Variants in DAB2 observed in about 807,000 individuals in gnomAD.
The protein encoded by DAB2 is DAB adaptor protein 2.
In DAB2, 28 loss-of-function variants were observed where a neutral mutation model predicts 71.6. That is an observed-to-expected ratio of 0.39 (90% CI 0.29 to 0.54). The LOEUF (loss-of-function observed/expected upper bound fraction) is 0.54. Among genes scored for constraint, DAB2 ranks in the 20% least tolerant of loss-of-function variants. The probability of loss-of-function intolerance (pLI) is 0.68; values close to 1 mark genes in which losing one functional copy is unlikely to be tolerated. For missense variants in DAB2, 867 were observed against 928.8 expected (o/e 0.93, Z 0.86); for synonymous variants, 345 against 339.7 (o/e 1.02, Z -0.17).
At chr5:39,419,052 T>C (rs1463360310) in intron 1 of DAB2, among the ~76,000 whole-genome samples, 1 of 152,186 alleles carries the variant, frequency 6.6e-6, no homozygotes, top group Non-Finnish European at 1.5e-5. Context: ...AGAGTTCCAA[T>C]TATATACTTG....
At chr5:39,416,021 T>C (rs543145568) in intron 1 of DAB2, among the ~76,000 whole-genome samples, 5 of 152,196 alleles carry the variant, frequency 3.3e-5, no homozygotes, top group African/African-American at 1.2e-4. Flanking sequence ...TTTTCATAAT[T>C]ACCCTTTATT....
At chr5:39,401,227 G>C (rs1352964572) in intron 1 of DAB2, among the ~76,000 whole-genome samples, 1 of 152,182 alleles carries the variant, frequency 6.6e-6, no homozygotes, top group African/African-American at 2.4e-5. Flanking sequence ...GTCCTTAGAA[G>C]ATTTTCTTGT....
At chr5:39,404,345 G>A (rs1233018561) in intron 1 of DAB2, among the ~76,000 whole-genome samples, 8 of 148,654 alleles carry the variant, frequency 5.4e-5, no homozygotes, top group Admixed American at 4.1e-4. Flanking sequence ...GTATACATAC[G>A]TAACTAACCT....
intron 1 of DAB2, among the ~76,000 whole-genome samples, chr5:39,395,411 C>A (rs1432336719): frequency 1.3e-5 from 2 of 152,304 alleles, no homozygotes; most frequent in Non-Finnish European, 2.9e-5. Flanking sequence ...GTGCCTATAC[C>A]ACCCATTTAA....
At chr5:39,380,996 AGACTTAAC>A (rs1273633720) in intron 11 of DAB2, among the ~76,000 whole-genome samples, 1 of 152,186 alleles carries the variant, frequency 6.6e-6, no homozygotes, top group Admixed American at 6.5e-5. Context: ...TTCTTGCTTC[AGACTTAAC>A]TTACATCCTT....
Position 39,389,130 on chromosome 5 carries a change from A to G in DAB2, c.544-7T>C. ...CTTTGCTGGCTTCCTCTATCTAAAA[A>G]GAAAGATACATATTCAGTGATCTTC... On this transcript the variant is annotated splice_region_variant and splice_polypyrimidine_tract_variant and intron_variant, in intron 6 of 14. Transcript: ENST00000320816. 6.2e-7 allele frequency: 1 copy of G among 1,609,124 alleles called. No homozygotes were observed. The highest frequency in any genetic ancestry group is 8.5e-7 in the Non-Finnish European group (1 of 1,175,980).
intron 1 of DAB2, among the ~76,000 whole-genome samples, chr5:39,416,364 C>G (rs1463438035): frequency 6.6e-6 from 1 of 152,128 alleles, no homozygotes; most frequent in Non-Finnish European, 1.5e-5. Context: ...TGTAACTGAT[C>G]TCCCTTTATG....
chr5:39,400,904 A>G (rs1460541487), intron 1 of DAB2, among the ~76,000 whole-genome samples: 2 of 152,174 alleles, frequency 1.3e-5, no homozygotes, highest in African/African-American at 2.4e-5. Flanking sequence ...TGCCTCAGCT[A>G]AAGTGCGGAA....
intron 1 of DAB2, among the ~76,000 whole-genome samples, chr5:39,396,783 T>A (rs1755378079): frequency 6.6e-6 from 1 of 152,204 alleles, no homozygotes; most frequent in Non-Finnish European, 1.5e-5. Flanking sequence ...GGTGAGAACA[T>A]CTTTCTCTGA....
intron 14 of DAB2, among the ~76,000 whole-genome samples, chr5:39,374,070 T>C (rs1257616511): frequency 2.0e-5 from 3 of 152,160 alleles, no homozygotes; most frequent in African/African-American, 7.2e-5. Flanking sequence ...TCCAGATGCC[T>C]ATAAGCTCAA....
chr5:39,417,955 T>A (rs1197299671), intron 1 of DAB2: 1 of 152,200 alleles, frequency 6.6e-6, no homozygotes, highest in Non-Finnish European at 1.5e-5. Context: ...ATATTGACCC[T>A]CCTTACTAGC....
chr5:39,418,864 G>A (rs1014486970), intron 1 of DAB2, among the ~76,000 whole-genome samples: 16 of 152,280 alleles, frequency 1.1e-4, no homozygotes, highest in South Asian at 2.1e-4. Flanking sequence ...AGAAGCAGCC[G>A]CAGGAGTTCT....
intron 1 of DAB2, among the ~76,000 whole-genome samples, chr5:39,405,331 AC>A (rs1253419327): frequency 1.3e-5 from 2 of 152,134 alleles, no homozygotes; most frequent in East Asian, 3.9e-4. Flanking sequence ...AACATATTCC[AC>A]CCCAGTTCTC....
Position 39,424,875 on chromosome 5 carries a change from G to C in DAB2, c.-173C>G, listed in dbSNP as rs1489942290. Reference sequence around the variant, plus strand: ...GGAGCCTCCAGGCTACAGCGCAGCGGATGCGGCGGGCCTCGCTTAAATAGC... The same window carrying C: ...GGAGCCTCCAGGCTACAGCGCAGCGCATGCGGCGGGCCTCGCTTAAATAGC... On this transcript the variant is annotated 5_prime_UTR_variant, in exon 1 of 15. The change creates a new upstream start codon in the 5' untranslated region. Transcript: ENST00000320816. 4 of 152,600 alleles carry C rather than the reference G, an allele frequency of 2.6e-5. No homozygotes were observed. Among genetic ancestry groups the C allele is most frequent in the African/African-American group, 9.7e-5 (4 of 41,430 alleles). 9.5% of individuals were successfully genotyped at this position (152,600 alleles called of 1,614,324 possible). A position where few individuals can be genotyped will look rare whatever the true frequency, so the allele number is the denominator to read the frequency against.
chr5:39,404,418 A>T (rs1332969958), intron 1 of DAB2, among the ~76,000 whole-genome samples: 6 of 127,690 alleles, frequency 4.7e-5, no homozygotes, highest in Non-Finnish European at 1.1e-4. Flanking sequence ...AAGTAAAATT[A>T]AAAAAATAAA....
At chr5:39,373,753 TC>T (rs1023600210) in intron 14 of DAB2, among the ~76,000 whole-genome samples, 2 of 152,154 alleles carry the variant, frequency 1.3e-5, no homozygotes, top group African/African-American at 4.8e-5. Context: ...ATACAATCCA[TC>T]TTGACTCTGA....
rs753357331 is a variant in DAB2 at position 39,376,794 on chromosome 5, C to G, written c.1993G>C (p.Ala665Pro). The G allele has an allele frequency of 5.0e-6, 8 of 1,614,118 alleles. No individual in the cohort carries two copies. Among genetic ancestry groups the G allele is most frequent in the Non-Finnish European group, 6.8e-6 (8 of 1,180,008 alleles). Residue 665 changes from alanine to proline, a missense_variant, in exon 12 of 15, where the codon GCT becomes CCT. By Grantham distance (27) the Ala-to-Pro change is conservative. This residue lies in a region of DAB2 where 740 missense variants were observed against 734.3 expected (regional missense o/e 1.01). Transcript: ENST00000320816. ...TGCTCTCCCTTCCGCGCGGGCACAG[C>G]AGGTGGCTGCCGCAGTTGGAAATCC... ...FKDFQLRQPP[A>P]VPARKGEQTS...
At chr5:39,423,061 C>T (rs1756026047) in intron 1 of DAB2, among the ~76,000 whole-genome samples, 1 of 152,144 alleles carries the variant, frequency 6.6e-6, no homozygotes, top group Admixed American at 6.5e-5. Context: ...CATTCCTCTA[C>T]CATCTACTTA....
At chr5:39,375,202 C>A (rs969895628) in intron 13 of DAB2, 118 bp from the exon 14 acceptor site, 1 of 696,704 alleles carries the variant, frequency 1.4e-6, no homozygotes, top group African/African-American at 1.8e-5. Context: ...ATCAGCCAAT[C>A]AAACATTATA....
Sources: allele counts gnomAD v4.1 joint callset (sites outside exome capture counted in the v4.1 genomes callset), GRCh38; gene constraint gnomAD v4.1.1; regional missense constraint gnomAD v4.1.1; transcripts MANE v1.5; gene names NCBI Gene and HGNC (gene_info 2026-07-23, HGNC 2026-07-21).